The following ATAD2B variants were observed in gnomAD, a reference collection of about 807,000 sequenced individuals.
ATAD2B encodes ATPase family AAA domain containing 2B, also known as ATPase family AAA domain-containing protein 2B.
ATAD2B carries 40 observed loss-of-function variants against 167.6 expected under a neutral mutation model. The observed-to-expected ratio is 0.24, with a 90% CI of 0.19 to 0.31. The LOEUF is 0.31. Ranked by LOEUF, ATAD2B falls within the 10% of genes least tolerant of loss-of-function variation. The probability of loss-of-function intolerance (pLI) is 1.00; values close to 1 mark genes in which losing one functional copy is unlikely to be tolerated. For missense variants in ATAD2B, 1,242 were observed against 1,757.2 expected (o/e 0.71, Z 5.24); for synonymous variants, 579 against 596.5 (o/e 0.97, Z 0.43).
chr2:23,871,909 G>A (rs746498219), intron 8 of ATAD2B, among the ~76,000 whole-genome samples: 29 of 151,876 alleles, frequency 1.9e-4, no homozygotes, highest in Non-Finnish European at 3.8e-4. Flanking sequence ...ACAGAATCTC[G>A]CACGGTCACC....
the ATAD2B span, chr2:23,703,783 C>A: frequency 6.5e-7 from 1 of 1,537,446 alleles, no homozygotes; most frequent in Non-Finnish European, 8.7e-7. Context: ...GGGCTTATGC[C>A]AGAGCTACCA....
At chr2:23,843,493 T>C (rs973068875) in intron 13 of ATAD2B, among the ~76,000 whole-genome samples, 1 of 152,196 alleles carries the variant, frequency 6.6e-6, no homozygotes, top group Admixed American at 6.5e-5. Flanking sequence ...TTAATGGCTC[T>C]CCAATTACGG....
At chr2:23,724,974 C>A in the ATAD2B span, among the ~76,000 whole-genome samples, 5 of 129,808 alleles carry the variant, frequency 3.9e-5, no homozygotes, top group East Asian at 1.3e-3. Flanking sequence ...ACCTAGGAGG[C>A]GGAGCTTGCA....
At position 23,863,519 on chromosome 2, in the gene ATAD2B, T is replaced by C. The variant is rs752878548; in HGVS notation, c.1341A>G (p.Lys447=). 1 of 1,573,480 alleles carries C rather than the reference T, an allele frequency of 6.4e-7. No individual in the cohort carries two copies. The change falls in exon 12 of 28, where the codon AAA becomes AAG. Residue 447 remains lysine (K), a synonymous_variant. Transcript: ENST00000238789. ...CLFYGPPGTG[K]TLVARALANE... ...TAGCTAATGCTCTGGCAACCAAGGTTTTACCTGTGCCAGGAGGGCCATAAA... is the reference window on the plus strand; with the variant it reads ...TAGCTAATGCTCTGGCAACCAAGGTCTTACCTGTGCCAGGAGGGCCATAAA...
chr2:23,903,639 C>G (rs1174950689), intron 1 of ATAD2B, among the ~76,000 whole-genome samples: 1 of 152,128 alleles, frequency 6.6e-6, no homozygotes, highest in Non-Finnish European at 1.5e-5. Flanking sequence ...AGATGCTGCT[C>G]TGGTTTTCAA....
intron 2 of ATAD2B, among the ~76,000 whole-genome samples, chr2:23,891,452 T>C (rs566878448): frequency 2.4e-4 from 36 of 152,114 alleles, no homozygotes; most frequent in Admixed American, 7.2e-4. Context: ...GGAAGGTGGG[T>C]TGGAGATTTT....
At chr2:23,818,077 A>AAC (rs10559795) in intron 17 of ATAD2B, among the ~76,000 whole-genome samples, 8 of 142,266 alleles carry the variant, frequency 5.6e-5, no homozygotes, top group Admixed American at 2.1e-4. Flanking sequence ...AACACACATA[A>AAC]ACACACACAC....
At chr2:23,752,655 C>T (rs948326201) in intron 27 of ATAD2B, among the ~76,000 whole-genome samples, 2 of 152,030 alleles carry the variant, frequency 1.3e-5, no homozygotes, top group Non-Finnish European at 2.9e-5. Context: ...TGAATACAGG[C>T]AGCCTCACTC....
At chr2:23,785,915 A>G in intron 21 of ATAD2B, 112 bp downstream of exon 21, 3 of 897,916 alleles carry the variant, frequency 3.3e-6, no homozygotes, top group Non-Finnish European at 4.9e-6. Flanking sequence ...TTTATAGGCT[A>G]GGGGTAATAT....
At chr2:23,754,568 A>C in intron 26 of ATAD2B, 79 bp downstream of exon 26, 1 of 1,516,208 alleles carries the variant, frequency 6.6e-7, no homozygotes, top group Non-Finnish European at 9.0e-7. Flanking sequence ...CAGGAAAACT[A>C]CTTTTACTCA....
the ATAD2B span, chr2:23,708,097 T>G: frequency 2.0e-5 from 3 of 152,194 alleles, no homozygotes; most frequent in Non-Finnish European, 2.9e-5. Flanking sequence ...TAACAACCAT[T>G]TATAAGAGAA....
At chr2:23,692,310 T>G in the ATAD2B span, among the ~76,000 whole-genome samples, 5 of 152,212 alleles carry the variant, frequency 3.3e-5, no homozygotes, top group Non-Finnish European at 4.4e-5. Context: ...GGTCTAGACA[T>G]CTGAACTGTC....
At chr2:23,812,438 C>CT in intron 17 of ATAD2B, among the ~76,000 whole-genome samples, 1 of 152,182 alleles carries the variant, frequency 6.6e-6, no homozygotes, top group Non-Finnish European at 1.5e-5. Context: ...AACCCATTTA[C>CT]TTTTTTATTT....
the ATAD2B span, among the ~76,000 whole-genome samples, chr2:23,710,168 T>C: frequency 6.6e-6 from 1 of 152,140 alleles, no homozygotes; most frequent in Non-Finnish European, 1.5e-5. Flanking sequence ...AGGAAAAATA[T>C]TTGCAGTCCA....
At chr2:23,709,520 A>T in the ATAD2B span, among the ~76,000 whole-genome samples, 4 of 152,186 alleles carry the variant, frequency 2.6e-5, no homozygotes, top group African/African-American at 9.6e-5. Flanking sequence ...GTCCTCTGGC[A>T]GGGAAAGTAG....
chr2:23,835,456 G>T (rs1007748451), intron 13 of ATAD2B, among the ~76,000 whole-genome samples: 3 of 152,160 alleles, frequency 2.0e-5, no homozygotes, highest in African/African-American at 7.2e-5. Flanking sequence ...ATCCCAAACA[G>T]GCAAATCTAT....
intron 18 of ATAD2B, among the ~76,000 whole-genome samples, chr2:23,805,752 T>G: frequency 7.1e-6 from 1 of 141,640 alleles, no homozygotes; most frequent in Non-Finnish European, 1.5e-5. Context: ...ACATTTCCAC[T>G]AAGTCTAAGC....
chr2:23,901,978 T>C (rs577771043), intron 1 of ATAD2B, among the ~76,000 whole-genome samples: 1 of 152,370 alleles, frequency 6.6e-6, no homozygotes, highest in East Asian at 1.9e-4. Context: ...TTTGCACATT[T>C]ATTTATTGGC....
intron 22 of ATAD2B, among the ~76,000 whole-genome samples, chr2:23,776,949 A>G (rs1207034991): frequency 6.6e-6 from 1 of 152,212 alleles, no homozygotes; most frequent in Non-Finnish European, 1.5e-5. Flanking sequence ...CTTAACTCCC[A>G]GTACCTTAAA....
Sources: gnomAD v4.1 joint callset for allele counts (sites outside exome capture counted in the v4.1 genomes callset) on GRCh38, gnomAD v4.1.1 for gene constraint, MANE v1.5 for transcripts, NCBI Gene and HGNC (gene_info 2026-07-23, HGNC 2026-07-21) for gene names.